The following PKIB variants were observed in gnomAD, a reference collection of about 807,000 sequenced individuals.
PKIB encodes the protein PKI-beta.
Under a neutral mutation model 4.5 loss-of-function variants are expected in PKIB, and 2 were observed. The observed-to-expected ratio is 0.44, with a 90% CI of 0.18 to 1.39. PKIB has a LOEUF of 1.39. PKIB is among the 40% of genes most tolerant of loss of function. PKIB has a pLI of 0.27. For synonymous variants in PKIB, 38 were observed against 36.0 expected (o/e 1.06, Z -0.20); for missense variants, 94 against 92.6 (o/e 1.02, Z -0.06).
At chr6:122,695,343 A>ATG (rs1458510939) in intron 3 of PKIB, among the ~76,000 whole-genome samples, 1 of 152,118 alleles carries the variant, frequency 6.6e-6, no homozygotes, top group African/African-American at 2.4e-5. Flanking sequence ...TGACACCTAA[A>ATG]TGTGTGTGTG....
intron 2 of PKIB, among the ~76,000 whole-genome samples, chr6:122,573,373 C>A (rs1773428619): frequency 6.6e-6 from 1 of 151,536 alleles, no homozygotes; most frequent in Non-Finnish European, 1.5e-5. Flanking sequence ...ACAAAAAATA[C>A]AAAAATTCGC....
intron 2 of PKIB, among the ~76,000 whole-genome samples, chr6:122,545,889 G>A (rs1445148133): frequency 1.3e-5 from 2 of 151,434 alleles, no homozygotes; most frequent in African/African-American, 4.9e-5. Flanking sequence ...AAGCAATATG[G>A]CTGGTATTTA....
At chr6:122,620,481 G>T (rs1310943868) in intron 1 of PKIB, among the ~76,000 whole-genome samples, 2 of 152,164 alleles carry the variant, frequency 1.3e-5, no homozygotes, top group African/African-American at 4.8e-5. Context: ...GCTTTCCATT[G>T]ATCAGAATTT....
intron 2 of PKIB, among the ~76,000 whole-genome samples, chr6:122,665,795 G>A (rs1183005187): frequency 6.6e-6 from 1 of 152,102 alleles, no homozygotes; most frequent in Non-Finnish European, 1.5e-5. Context: ...TTTTGATGAA[G>A]CTGAGTTTAT....
chr6:122,594,749 T>C (rs759962013), intron 3 of PKIB, among the ~76,000 whole-genome samples: 2 of 152,182 alleles, frequency 1.3e-5, no homozygotes, highest in Non-Finnish European at 2.9e-5. Context: ...CTGGACCATT[T>C]GTAGTCCTGC....
chr6:122,490,141 T>A (rs924148994), intron 2 of PKIB, among the ~76,000 whole-genome samples: 6 of 152,252 alleles, frequency 3.9e-5, no homozygotes, highest in African/African-American at 1.4e-4. Context: ...TGCTGATTTA[T>A]AGAGTCATTC....
chr6:122,657,265 G>T (rs900367423), intron 2 of PKIB, among the ~76,000 whole-genome samples: 16 of 152,062 alleles, frequency 1.1e-4, no homozygotes, highest in African/African-American at 3.6e-4. Context: ...TTATCCAATA[G>T]GACTTGAGTC....
At chr6:122,665,010 G>GAAGT (rs892475770) in intron 2 of PKIB, among the ~76,000 whole-genome samples, 1 of 152,200 alleles carries the variant, frequency 6.6e-6, no homozygotes, top group Non-Finnish European at 1.5e-5. Flanking sequence ...TGGCAGCCAT[G>GAAGT]AAGTATACAG....
intron 2 of PKIB, among the ~76,000 whole-genome samples, chr6:122,490,551 C>T (rs1359824010): frequency 6.6e-6 from 1 of 152,070 alleles, no homozygotes; most frequent in Non-Finnish European, 1.5e-5. Flanking sequence ...AGTTTCCTTT[C>T]AGTTCACACA....
chr6:122,492,097 G>C (rs1775948847), intron 2 of PKIB, among the ~76,000 whole-genome samples: 1 of 152,118 alleles, frequency 6.6e-6, no homozygotes, highest in African/African-American at 2.4e-5. Flanking sequence ...GGGTAGCCTA[G>C]AACCAAGAGG....
intron 2 of PKIB, among the ~76,000 whole-genome samples, chr6:122,534,683 T>G (rs949437862): frequency 1.8e-4 from 28 of 151,996 alleles, no homozygotes; most frequent in Non-Finnish European, 7.4e-5. Context: ...TATAAAATTA[T>G]CTCGCTATTT....
chr6:122,631,539 TC>T (rs944907895), intron 1 of PKIB, among the ~76,000 whole-genome samples: 3 of 152,206 alleles, frequency 2.0e-5, no homozygotes, highest in African/African-American at 7.2e-5. Context: ...AGTTTATACT[TC>T]TGCAGATCTT....
intron 2 of PKIB, among the ~76,000 whole-genome samples, chr6:122,667,674 T>C (rs1048478206): frequency 3.9e-5 from 6 of 152,212 alleles, no homozygotes; most frequent in African/African-American, 1.4e-4. Flanking sequence ...TTAATAGTTA[T>C]GGAAAAAAAT....
chr6:122,584,550 A>C (rs1773797038), intron 2 of PKIB, among the ~76,000 whole-genome samples: 1 of 152,240 alleles, frequency 6.6e-6, no homozygotes, highest in African/African-American at 2.4e-5. Context: ...AGAAATACGC[A>C]AAAATTAAGT....
chr6:122,591,777 T>G (rs1023060224), intron 3 of PKIB, among the ~76,000 whole-genome samples: 1 of 152,056 alleles, frequency 6.6e-6, no homozygotes, highest in African/African-American at 2.4e-5. Flanking sequence ...AGTGGCATGA[T>G]CATGGCTCAC....
chr6:122,717,518 G>C, intron 3 of PKIB: 1 of 435,450 alleles, frequency 2.3e-6, no homozygotes, highest in Non-Finnish European at 4.1e-6. Flanking sequence ...AAAGGCAAGG[G>C]ATTACTGCAC....
chr6:122,506,689 A>G (rs1253115092), intron 2 of PKIB, among the ~76,000 whole-genome samples: 4 of 147,402 alleles, frequency 2.7e-5, no homozygotes, highest in African/African-American at 9.9e-5. Context: ...GTGATTGGAG[A>G]TGTAATTTTT....
intron 2 of PKIB, among the ~76,000 whole-genome samples, chr6:122,561,994 GTTTTTTTTTGTTT>G (rs1300028697): frequency 7.3e-5 from 3 of 40,918 alleles, no homozygotes; most frequent in Admixed American, 3.7e-4. Flanking sequence ...GTTTGTTTTT[GTTTTTTTTTGTTT>G]TTTTTTTTTT....
intron 2 of PKIB, among the ~76,000 whole-genome samples, chr6:122,580,517 T>C (rs557756301): frequency 2.6e-5 from 4 of 152,306 alleles, no homozygotes; most frequent in Admixed American, 2.0e-4. Flanking sequence ...AAAGATTAAC[T>C]GGCTTTTTCC....
Sources: gnomAD v4.1 joint callset for allele counts (sites outside exome capture counted in the v4.1 genomes callset) on GRCh38, gnomAD v4.1.1 for gene constraint, MANE v1.5 for transcripts, NCBI Gene and HGNC (gene_info 2026-07-23, HGNC 2026-07-21) for gene names.